The following CNTNAP5 variants were observed in gnomAD, a reference collection of about 807,000 sequenced individuals.
CNTNAP5 encodes the protein contactin associated protein family member 5, also known as contactin-associated protein-like 5.
CNTNAP5 carries 72 observed loss-of-function variants against 150.2 expected under a neutral mutation model. The ratio of observed to expected loss-of-function variants is 0.48; its 90% CI spans 0.40 to 0.58. The LOEUF (loss-of-function observed/expected upper bound fraction) is 0.58. Among genes scored for constraint, CNTNAP5 ranks in the 20% least tolerant of loss-of-function variants. CNTNAP5 has a pLI of 0.00. For synonymous variants in CNTNAP5, 672 were observed against 619.8 expected (o/e 1.08, Z -1.25); for missense variants, 1,636 against 1,626.2 (o/e 1.01, Z -0.10).
chr2:124,863,525 G>C (rs911136636), intron 19 of CNTNAP5, among the ~76,000 whole-genome samples: 2 of 152,224 alleles, frequency 1.3e-5, no homozygotes, highest in African/African-American at 4.8e-5. Context: ...ACCAGGTATA[G>C]AGAGCTTCTC....
intron 3 of CNTNAP5, among the ~76,000 whole-genome samples, chr2:124,356,733 TC>T (rs1312807131): frequency 1.3e-5 from 2 of 152,000 alleles, no homozygotes; most frequent in Non-Finnish European, 2.9e-5. Flanking sequence ...TGGTTCCAAG[TC>T]TTTGCTATTG....
At chr2:124,314,188 C>T (rs1440684433) in intron 3 of CNTNAP5, among the ~76,000 whole-genome samples, 1 of 152,176 alleles carries the variant, frequency 6.6e-6, no homozygotes, top group African/African-American at 2.4e-5. Context: ...GAGCTGGCAA[C>T]ATGCAATCTC....
At chr2:124,699,390 A>G (rs1432596673) in intron 13 of CNTNAP5, among the ~76,000 whole-genome samples, 1 of 152,176 alleles carries the variant, frequency 6.6e-6, no homozygotes, top group African/African-American at 2.4e-5. Flanking sequence ...CTCCCCCAGA[A>G]TATTTTCTGC....
At chr2:124,269,580 C>T (rs923523961) in intron 3 of CNTNAP5, among the ~76,000 whole-genome samples, 17 of 151,924 alleles carry the variant, frequency 1.1e-4, no homozygotes, top group African/African-American at 4.1e-4. Flanking sequence ...GGATTTTTTT[C>T]GCCTGTAGTC....
chr2:124,382,045 T>C (rs1215736603), intron 3 of CNTNAP5, among the ~76,000 whole-genome samples: 1 of 152,184 alleles, frequency 6.6e-6, no homozygotes, highest in East Asian at 1.9e-4. Context: ...GTTTGTTATT[T>C]GATTTGTGAG....
At chr2:124,504,699 C>T (rs1408013322) in intron 8 of CNTNAP5, 143 bp downstream of exon 8, 8 of 628,646 alleles carry the variant, frequency 1.3e-5, no homozygotes, top group Non-Finnish European at 2.0e-5. Flanking sequence ...TCTGAAGAGG[C>T]AGCATTTTTT....
chr2:124,912,025 G>A (rs994964139), intron 23 of CNTNAP5, among the ~76,000 whole-genome samples: 11 of 152,060 alleles, frequency 7.2e-5, no homozygotes, highest in Admixed American at 7.2e-4. Flanking sequence ...CTGCACATAT[G>A]GTTACAGATG....
intron 1 of CNTNAP5, among the ~76,000 whole-genome samples, chr2:124,128,722 T>C (rs1683775865): frequency 6.6e-6 from 1 of 152,142 alleles, no homozygotes; most frequent in Admixed American, 6.5e-5. Flanking sequence ...CATGGAATAC[T>C]ATGCAGCCAT....
chr2:124,607,734 G>A (rs1165450358), intron 11 of CNTNAP5, among the ~76,000 whole-genome samples: 2 of 152,278 alleles, frequency 1.3e-5, no homozygotes, highest in East Asian at 3.9e-4. Flanking sequence ...ACATGCTGTG[G>A]GGTGGTGTTT....
chr2:124,851,010 C>T (rs1362549298), intron 19 of CNTNAP5, among the ~76,000 whole-genome samples: 3 of 152,130 alleles, frequency 2.0e-5, no homozygotes, highest in South Asian at 2.1e-4. Context: ...GTATAGATAA[C>T]GCCTTAAAAG....
At chr2:124,731,793 T>C (rs1013413187) in intron 13 of CNTNAP5, among the ~76,000 whole-genome samples, 5 of 151,160 alleles carry the variant, frequency 3.3e-5, no homozygotes, top group Admixed American at 1.3e-4. Flanking sequence ...TGTGAGTGTG[T>C]TTATGAGTGT....
At chr2:124,855,107 T>C (rs17012085) in intron 19 of CNTNAP5, among the ~76,000 whole-genome samples, 29,304 of 151,442 alleles carry the variant, frequency 0.19, 3,486 homozygotes, top group African/African-American at 0.33. Flanking sequence ...GAAAGGACAT[T>C]GAATGTCATG....
chr2:124,250,816 GAA>G (rs143368701), intron 3 of CNTNAP5, among the ~76,000 whole-genome samples: 2 of 137,690 alleles, frequency 1.5e-5, no homozygotes, highest in Non-Finnish European at 1.6e-5. Context: ...TTTTTAAGTT[GAA>G]AAAAAAAAAG....
intron 8 of CNTNAP5, among the ~76,000 whole-genome samples, chr2:124,505,223 C>G (rs1694375835): frequency 6.6e-6 from 1 of 152,096 alleles, no homozygotes; most frequent in South Asian, 2.1e-4. Context: ...ATGGAATCTT[C>G]ACCATGCTTA....
chr2:124,530,992 C>T (rs1310157974), intron 10 of CNTNAP5, among the ~76,000 whole-genome samples: 2 of 152,062 alleles, frequency 1.3e-5, no homozygotes, highest in Non-Finnish European at 2.9e-5. Flanking sequence ...GATTCAAGCA[C>T]ACATTTATTG....
At chr2:124,493,963 A>AT (rs199807584) in intron 7 of CNTNAP5, among the ~76,000 whole-genome samples, 1,393 of 56,822 alleles carry the variant, frequency 0.025, 7 homozygotes, top group East Asian at 0.081. Context: ...GAAAACCATA[A>AT]ATACACACAC....
At chr2:124,687,106 T>A (rs1183283137) in intron 13 of CNTNAP5, among the ~76,000 whole-genome samples, 1 of 152,048 alleles carries the variant, frequency 6.6e-6, no homozygotes, top group African/African-American at 2.4e-5. Context: ...GTTTGGCGTG[T>A]GATTAGTTGG....
At chr2:124,812,818 C>T (rs990291616) in intron 19 of CNTNAP5, among the ~76,000 whole-genome samples, 2 of 152,096 alleles carry the variant, frequency 1.3e-5, no homozygotes, top group African/African-American at 2.4e-5. Context: ...CCAAGTTGCA[C>T]CCCAATCACC....
chr2:124,706,501 C>T (rs1272037784), intron 13 of CNTNAP5, among the ~76,000 whole-genome samples: 3 of 151,996 alleles, frequency 2.0e-5, no homozygotes, highest in Non-Finnish European at 4.4e-5. Flanking sequence ...AATCCCAGAA[C>T]TTTGGGAGGC....
Sources: gnomAD v4.1 joint callset for allele counts (sites outside exome capture counted in the v4.1 genomes callset) on GRCh38, gnomAD v4.1.1 for gene constraint, MANE v1.5 for transcripts, NCBI Gene and HGNC (gene_info 2026-07-23, HGNC 2026-07-21) for gene names.